Variants in NPFFR2 observed in about 807,000 individuals in gnomAD.
NPFFR2 encodes G-protein coupled receptor 74.
In NPFFR2, 15 loss-of-function variants were observed where a neutral mutation model predicts 13.1. The ratio of observed to expected loss-of-function variants is 1.15; its 90% CI spans 0.77 to 1.76. NPFFR2 has a LOEUF of 1.76. NPFFR2 is among the 40% of genes most tolerant of loss of function. The pLI, the probability that NPFFR2 is intolerant of heterozygous loss-of-function variation, is 0.00. For missense variants in NPFFR2, 572 were observed against 503.5 expected (o/e 1.14, Z -1.30); for synonymous variants, 190 against 175.7 (o/e 1.08, Z -0.65).
At chr4:72,135,705 G>T (rs958347374) in intron 2 of NPFFR2, among the ~76,000 whole-genome samples, 2 of 151,328 alleles carry the variant, frequency 1.3e-5, no homozygotes, top group African/African-American at 4.8e-5. Flanking sequence ...ACTCAATTTG[G>T]TTTTCCTATA....
intron 1 of NPFFR2, among the ~76,000 whole-genome samples, chr4:72,100,411 A>G (rs1017291331): frequency 1.3e-5 from 2 of 152,148 alleles, no homozygotes; most frequent in African/African-American, 4.8e-5. Flanking sequence ...TAGGTGTTAC[A>G]GTACCTGAAT....
chr4:72,131,042 C>T (rs1722223157), intron 2 of NPFFR2, among the ~76,000 whole-genome samples: 1 of 151,936 alleles, frequency 6.6e-6, no homozygotes, highest in African/African-American at 2.4e-5. Context: ...GTCTCCAATG[C>T]CCAGCTGTTT....
intron 1 of NPFFR2, among the ~76,000 whole-genome samples, chr4:72,081,430 A>G (rs1459181869): frequency 6.6e-6 from 1 of 151,596 alleles, no homozygotes; most frequent in Non-Finnish European, 1.5e-5. Flanking sequence ...CTGAACCTTC[A>G]CTGATGTTCT....
intron 1 of NPFFR2, among the ~76,000 whole-genome samples, chr4:72,048,667 G>T (rs977194841): frequency 1.3e-5 from 2 of 151,940 alleles, no homozygotes; most frequent in Admixed American, 1.3e-4. Context: ...AGTGGCTGGT[G>T]CCAAGTGATA....
At chr4:72,112,849 G>T (rs754002408) in intron 1 of NPFFR2, among the ~76,000 whole-genome samples, 1 of 151,832 alleles carries the variant, frequency 6.6e-6, no homozygotes, top group Non-Finnish European at 1.5e-5. Context: ...TCAGGAGAGG[G>T]TTGCTATGCT....
At chr4:72,079,617 G>A (rs1173513423) in intron 1 of NPFFR2, among the ~76,000 whole-genome samples, 1 of 152,100 alleles carries the variant, frequency 6.6e-6, no homozygotes, top group South Asian at 2.1e-4. Flanking sequence ...TCATAGATCA[G>A]ACCTCATAAA....
intron 1 of NPFFR2, among the ~76,000 whole-genome samples, chr4:72,033,916 T>C (rs1186947876): frequency 2.0e-5 from 3 of 152,160 alleles, no homozygotes; most frequent in African/African-American, 7.2e-5. Flanking sequence ...TGTGTGTGTG[T>C]GCATGTGTGT....
At chr4:72,036,101 C>T (rs959189162) in intron 1 of NPFFR2, among the ~76,000 whole-genome samples, 6 of 152,124 alleles carry the variant, frequency 3.9e-5, no homozygotes, top group African/African-American at 7.2e-5. Context: ...TGCAACCATA[C>T]GCATTATCTC....
intron 1 of NPFFR2, among the ~76,000 whole-genome samples, chr4:72,127,977 G>T (rs1015773868): frequency 6.6e-6 from 1 of 151,962 alleles, no homozygotes; most frequent in Non-Finnish European, 1.5e-5. Flanking sequence ...CTACTTGGGG[G>T]GTGAGGCAGG....
In NPFFR2 at chr4:72,106,458, AT is replaced by A. The variant is rs1335264076; in HGVS notation, c.-7-22125del. 3.3e-5 allele frequency among the ~76,000 whole-genome samples: 5 copies of A among 152,168 alleles called. No individual in the cohort carries two copies. In the East Asian group the frequency reaches 9.7e-4, roughly 30 times the overall value. ...AAGAGCCAGCAGCAGCCAGAGATGA[AT>A]TGCCCCGCATGAAGAGAACGCTTGT... is the stretch of plus-strand genomic sequence containing the variant. On this transcript the variant is annotated intron_variant, in intron 1 of 3. Transcript: ENST00000308744.
chr4:72,136,310 G>A (rs1211902423), intron 2 of NPFFR2, among the ~76,000 whole-genome samples: 2 of 151,972 alleles, frequency 1.3e-5, no homozygotes, highest in African/African-American at 4.8e-5. Context: ...AGGAGCAGAG[G>A]GGTTAAGGCT....
chr4:72,048,670 A>G (rs962731845), intron 1 of NPFFR2, among the ~76,000 whole-genome samples: 4 of 152,132 alleles, frequency 2.6e-5, no homozygotes, highest in African/African-American at 9.7e-5. Context: ...GGCTGGTGCC[A>G]AGTGATATGA....
intron 1 of NPFFR2, among the ~76,000 whole-genome samples, chr4:72,046,857 C>T (rs952569096): frequency 1.3e-5 from 2 of 152,058 alleles, no homozygotes; most frequent in African/African-American, 4.8e-5. Flanking sequence ...AGGTAAAGGC[C>T]ATTTTGATGA....
intron 1 of NPFFR2, among the ~76,000 whole-genome samples, chr4:72,089,857 G>T (rs1253114160): frequency 6.6e-6 from 1 of 151,830 alleles, no homozygotes; most frequent in East Asian, 1.9e-4. Flanking sequence ...TGTTTTTGTT[G>T]CATTTGCTTT....
At chr4:72,043,548 G>A (rs1454784916) in intron 1 of NPFFR2, among the ~76,000 whole-genome samples, 1 of 152,236 alleles carries the variant, frequency 6.6e-6, no homozygotes, top group East Asian at 1.9e-4. Context: ...GTGTGACCTG[G>A]ATGTGAGACA....
chr4:72,142,597 A>G (rs1722664999), intron 3 of NPFFR2, among the ~76,000 whole-genome samples: 1 of 152,234 alleles, frequency 6.6e-6, no homozygotes, highest in Admixed American at 6.5e-5. Flanking sequence ...CTTTAAAAGC[A>G]ACATACCTAC....
chr4:72,089,363 A>G (rs1018633464), intron 1 of NPFFR2, among the ~76,000 whole-genome samples: 1 of 152,188 alleles, frequency 6.6e-6, no homozygotes, highest in African/African-American at 2.4e-5. Context: ...GCTGGATCAA[A>G]TGGTATATCT....
intron 1 of NPFFR2, among the ~76,000 whole-genome samples, chr4:72,037,897 A>C (rs572382265): frequency 6.6e-6 from 1 of 152,310 alleles, no homozygotes; most frequent in South Asian, 2.1e-4. Context: ...GACCAGCATG[A>C]GCTTGACCAA....
chr4:72,033,144 CAT>C (rs1166562815), intron 1 of NPFFR2, among the ~76,000 whole-genome samples: 1 of 152,104 alleles, frequency 6.6e-6, no homozygotes, highest in Non-Finnish European at 1.5e-5. Flanking sequence ...CTGTGAAGGA[CAT>C]ATTTTTGTTT....
Sources: allele counts gnomAD v4.1 joint callset (sites outside exome capture counted in the v4.1 genomes callset), GRCh38; gene constraint gnomAD v4.1.1; transcripts MANE v1.5; gene names NCBI Gene and HGNC (gene_info 2026-07-23, HGNC 2026-07-21).